The following HSP90AA1 variants were observed in gnomAD, a reference collection of about 807,000 sequenced individuals.
HSP90AA1 encodes the protein heat shock protein HSP 90-alpha.
In HSP90AA1, 18 loss-of-function variants were observed where a neutral mutation model predicts 73.3. The ratio of observed to expected loss-of-function variants is 0.25; its 90% CI spans 0.17 to 0.36. The LOEUF (loss-of-function observed/expected upper bound fraction) is 0.36, where lower values mean the gene tolerates loss of function less well. Ranked by LOEUF, HSP90AA1 falls within the 10% of genes least tolerant of loss-of-function variation. HSP90AA1 has a pLI of 1.00. For synonymous variants in HSP90AA1, 477 were observed against 296.9 expected, an observed-to-expected ratio of 1.61 and a Z score of -6.24; for missense variants, 704 against 874.2, an observed-to-expected ratio of 0.81 and a Z score of 2.45.
chr14:102,137,931 C>T (rs1468717743), intron 1 of HSP90AA1, among the ~76,000 whole-genome samples: 1 of 151,504 alleles, frequency 6.6e-6, no homozygotes, highest in Non-Finnish European at 1.5e-5. Flanking sequence ...AGGAGAATCG[C>T]TTGAACCTGG....
At chr14:102,085,635 G>T in intron 3 of HSP90AA1, 123 bp downstream of exon 3, 1 of 1,465,006 alleles carries the variant, frequency 6.8e-7, no homozygotes, top group Non-Finnish European at 9.5e-7. Context: ...AAGTGCTCTA[G>T]CTTGTTCCTG....
At chr14:102,131,354 G>A (rs898217756) in intron 1 of HSP90AA1, among the ~76,000 whole-genome samples, 4 of 152,162 alleles carry the variant, frequency 2.6e-5, no homozygotes, top group Admixed American at 2.6e-4. Context: ...GTAGGATTCT[G>A]TAGCCTCTTT....
rs2049082993 is a variant in HSP90AA1 at position 102,080,883 on chromosome 14, G to GT, written c.*828dup. The GT allele has an allele frequency of 4.4e-6, 1 of 227,924 alleles. No homozygotes were observed. Among genetic ancestry groups the GT allele is most frequent in the Non-Finnish European group, 8.7e-6 (1 of 114,788 alleles). The allele number at this position is 227,924 out of a possible 1,614,324, so 14.1% of individuals were successfully genotyped here. A position where few individuals can be genotyped will look rare whatever the true frequency, so the allele number is the denominator to read the frequency against. On this transcript the variant is annotated 3_prime_UTR_variant, in exon 11 of 11. Coordinates refer to ENST00000216281, the MANE Select transcript of HSP90AA1 (RefSeq NM_005348.4). ...GCATTCCTGTTTTCTGTGCCTACGT[G>GT]TGCTCCACCCCACACCTGCTGAGTA...
chr14:102,082,642 A>G (rs976809559), intron 9 of HSP90AA1, 198 bp from the exon 10 acceptor site: 3 of 601,482 alleles, frequency 5.0e-6, no homozygotes, highest in East Asian at 2.9e-5. Flanking sequence ...TTTTTTTGAG[A>G]TAGAGTCTCG....
At chr14:102,083,716 C>G (rs1189075506) in intron 7 of HSP90AA1, 23 bp from the exon 8 acceptor site, 2 of 1,175,516 alleles carry the variant, frequency 1.7e-6, no homozygotes, top group South Asian at 2.6e-5. Flanking sequence ...ATGTTCTTTA[C>G]AAAGACTTTC....
upstream of HSP90AA1, among the ~76,000 whole-genome samples, chr14:102,088,078 G>A (rs989092082): frequency 2.6e-5 from 4 of 151,276 alleles, no homozygotes; most frequent in Non-Finnish European, 5.9e-5. Context: ...TTTCCCAGTA[G>A]CTGGGACGAG....
Position 102,082,352 on chromosome 14 carries a change from A to C in HSP90AA1, c.1848T>G (p.Ala616=). Residue 616 remains alanine, a synonymous_variant, in exon 10 of 11, where the codon GCT becomes GCG. Transcript: ENST00000216281. ...WTANMERIMK[A]QALRDNSTMG... ...TTGTTGAGTTGTCTCTTAGGGCTTG[A>C]GCTTTCATGATTCTCTCCATGTTTG... 6.2e-7 allele frequency: 1 copy of C among 1,613,944 alleles called. No homozygotes were observed. Among genetic ancestry groups the C allele is most frequent in the Non-Finnish European group, 8.5e-7 (1 of 1,179,884 alleles).
intron 1 of HSP90AA1, among the ~76,000 whole-genome samples, chr14:102,110,728 C>T (rs534200206): frequency 1.3e-5 from 2 of 152,194 alleles, no homozygotes; most frequent in African/African-American, 4.8e-5. Context: ...TACAGGTGCC[C>T]CCCACCACGC....
At chr14:102,085,635 G>A (rs1261178247) in intron 3 of HSP90AA1, 123 bp downstream of exon 3, 14 of 1,464,892 alleles carry the variant, frequency 9.6e-6, no homozygotes, top group South Asian at 2.3e-5. Flanking sequence ...AAGTGCTCTA[G>A]CTTGTTCCTG....
chr14:102,122,754 G>T (rs1240043125), intron 1 of HSP90AA1, among the ~76,000 whole-genome samples: 1 of 151,556 alleles, frequency 6.6e-6, no homozygotes, highest in Non-Finnish European at 1.5e-5. Context: ...TGCAACCTCT[G>T]CCTCCTGGGT....
At chr14:102,129,318 G>T (rs78684772) in intron 1 of HSP90AA1, among the ~76,000 whole-genome samples, 6,537 of 150,484 alleles carry the variant, frequency 0.043, 174 homozygotes, top group Non-Finnish European at 0.062. Flanking sequence ...GGCTAGGTTT[G>T]ATTTTTTTTA....
At chr14:102,117,725 GAACTGT>G (rs1359213421) in intron 1 of HSP90AA1, among the ~76,000 whole-genome samples, 1 of 152,130 alleles carries the variant, frequency 6.6e-6, no homozygotes, top group African/African-American at 2.4e-5. Flanking sequence ...GAAACTAAAA[GAACTGT>G]AACACAAACA....
chr14:102,130,940 AACTTCTGGGTTCAAGTGATC>A (rs2049900621), intron 1 of HSP90AA1, among the ~76,000 whole-genome samples: 1 of 151,974 alleles, frequency 6.6e-6, no homozygotes, highest in East Asian at 1.9e-4. Flanking sequence ...GCTGGTCTTG[AACTTCTGGGTTCAAGTGATC>A]CTCCTGCCTC....
In HSP90AA1 at chr14:102,095,754, G is replaced by A. The variant is rs571316591; in HGVS notation, c.366+6121C>T. On this transcript the variant is annotated intron_variant, in intron 2 of 11. Transcript: ENST00000334701. ...CACATTCTGACAGCTGACAAGTCTG[G>A]TGGATTTTTCCTTTAAAACGTTCTT... 5.3e-5 allele frequency among the ~76,000 whole-genome samples: 8 copies of A among 152,254 alleles called. No homozygotes were observed. The South Asian group carries it at 1.4e-3, about 28-fold the overall frequency.
At chr14:102,130,191 G>A (rs867157118) in intron 1 of HSP90AA1, among the ~76,000 whole-genome samples, 3 of 151,980 alleles carry the variant, frequency 2.0e-5, no homozygotes, top group Admixed American at 6.6e-5. Context: ...GGCTGGTCTC[G>A]AACTCCTGAC....
chr14:102,121,101 T>C (rs1045626148), intron 1 of HSP90AA1, among the ~76,000 whole-genome samples: 15 of 151,950 alleles, frequency 9.9e-5, no homozygotes, highest in African/African-American at 3.6e-4. Context: ...GGTGTGATCA[T>C]GACTCACTGC....
chr14:102,091,828 T>C (rs1014970041), upstream of HSP90AA1, among the ~76,000 whole-genome samples: 6 of 152,050 alleles, frequency 3.9e-5, no homozygotes, highest in Non-Finnish European at 8.8e-5. Flanking sequence ...GGTCTTGCCA[T>C]ATTACCCAGG....
upstream of HSP90AA1, among the ~76,000 whole-genome samples, chr14:102,088,067 C>T (rs1436905215): frequency 2.6e-5 from 4 of 151,146 alleles, no homozygotes; most frequent in African/African-American, 4.9e-5. Flanking sequence ...CCCGCCTCAG[C>T]TTTCCCAGTA....
chr14:102,083,990 A>C lies in HSP90AA1; in HGVS notation c.1148-7T>G, dbSNP rs760253850. On this transcript the variant is annotated splice_polypyrimidine_tract_variant and splice_region_variant and intron_variant, in intron 6 of 10. Transcript: ENST00000216281. ...ACCACCCCTCTAATGAAGTCTGAAA[A>C]AAATATAAACCAAATGCACTGAGTC... 1.9e-6 allele frequency: 3 copies of C among 1,610,086 alleles called. No individual in the cohort carries two copies.
Sources: gnomAD v4.1 joint callset for allele counts (sites outside exome capture counted in the v4.1 genomes callset) on GRCh38, gnomAD v4.1.1 for gene constraint, MANE v1.5 for transcripts, NCBI Gene and HGNC (gene_info 2026-07-23, HGNC 2026-07-21) for gene names.